AFG2A: variants seen among roughly 807,000 people sequenced by gnomAD.
The protein encoded by AFG2A is AAA ATPase AFG2A, also known as ATPase family gene 2 protein homolog A.
At chr4:123,125,690 T>C in the AFG2A span, among the ~76,000 whole-genome samples, 3 of 152,232 alleles carry the variant, frequency 2.0e-5, no homozygotes, top group East Asian at 3.8e-4. Flanking sequence ...TTTTCCCTTC[T>C]GCTGACTCTG....
the AFG2A span, among the ~76,000 whole-genome samples, chr4:122,956,664 T>C: frequency 7.2e-5 from 11 of 152,214 alleles, no homozygotes; most frequent in African/African-American, 2.7e-4. Context: ...GGAGTCTTGC[T>C]CTGTCGCCCA....
the AFG2A span, among the ~76,000 whole-genome samples, chr4:123,223,135 A>G: frequency 2.6e-5 from 4 of 152,282 alleles, no homozygotes; most frequent in East Asian, 7.7e-4. Context: ...TAGCAGGTGC[A>G]TCATTTTGCA....
the AFG2A span, among the ~76,000 whole-genome samples, chr4:122,988,168 G>T: frequency 5.3e-5 from 8 of 151,652 alleles, no homozygotes; most frequent in Non-Finnish European, 8.8e-5. Context: ...TCTGATGATG[G>T]TTTCCTTATT....
chr4:123,131,914 G>A, the AFG2A span, among the ~76,000 whole-genome samples: 2 of 51,924 alleles, frequency 3.9e-5, no homozygotes. Flanking sequence ...TTCCACAGCA[G>A]CTGCACCATT....
At chr4:123,310,353 TA>T in the AFG2A span, among the ~76,000 whole-genome samples, 2 of 152,172 alleles carry the variant, frequency 1.3e-5, no homozygotes, top group Admixed American at 6.5e-5. Context: ...ATTATTCTTT[TA>T]AAAAAATTTC....
chr4:123,094,770 A>G, the AFG2A span, among the ~76,000 whole-genome samples: 3 of 152,042 alleles, frequency 2.0e-5, no homozygotes, highest in Admixed American at 6.6e-5. Flanking sequence ...GCTGGCTCTA[A>G]CACCTAGACC....
chr4:122,927,609 A>G, the AFG2A span: 3 of 1,591,170 alleles, frequency 1.9e-6, no homozygotes, highest in Admixed American at 3.7e-5. Context: ...AAGTAGTACA[A>G]AAATAATTTT....
the AFG2A span, among the ~76,000 whole-genome samples, chr4:123,284,202 A>G: frequency 5.3e-5 from 8 of 152,024 alleles, no homozygotes; most frequent in Non-Finnish European, 1.2e-4. Context: ...ATCTTGGTAC[A>G]TTTTTTGACT....
At chr4:122,935,253 C>T in the AFG2A span, among the ~76,000 whole-genome samples, 1 of 152,038 alleles carries the variant, frequency 6.6e-6, no homozygotes, top group African/African-American at 2.4e-5. Flanking sequence ...TATATACATA[C>T]ATGTATGTAT....
At chr4:123,277,241 A>G in the AFG2A span, among the ~76,000 whole-genome samples, 1 of 152,132 alleles carries the variant, frequency 6.6e-6, no homozygotes, top group African/African-American at 2.4e-5. Context: ...TTTTGTGGCT[A>G]TTGTGAGTGG....
chr4:122,939,906 T>A, the AFG2A span, among the ~76,000 whole-genome samples: 2 of 152,174 alleles, frequency 1.3e-5, no homozygotes, highest in South Asian at 4.1e-4. Flanking sequence ...CTTGCGATAG[T>A]TTGCTGAGAA....
the AFG2A span, among the ~76,000 whole-genome samples, chr4:123,139,510 G>T: frequency 6.6e-6 from 1 of 151,958 alleles, no homozygotes; most frequent in Admixed American, 6.6e-5. Context: ...TTAGAATTTT[G>T]ATTTGGAAAA....
At chr4:123,103,132 G>T in the AFG2A span, among the ~76,000 whole-genome samples, 2 of 151,980 alleles carry the variant, frequency 1.3e-5, no homozygotes, top group Non-Finnish European at 2.9e-5. Context: ...TGCGTTTAGA[G>T]GCTCCCCCTT....
At chr4:122,966,498 T>C in the AFG2A span, among the ~76,000 whole-genome samples, 1 of 152,198 alleles carries the variant, frequency 6.6e-6, no homozygotes, top group Non-Finnish European at 1.5e-5. Context: ...TTCTTGTCTC[T>C]ATTTATATGC....
At chr4:122,985,395 C>A in the AFG2A span, among the ~76,000 whole-genome samples, 1 of 152,102 alleles carries the variant, frequency 6.6e-6, no homozygotes, top group African/African-American at 2.4e-5. Flanking sequence ...TCTGAATGTG[C>A]TGGGATTATA....
chr4:122,959,959 A>G, the AFG2A span, among the ~76,000 whole-genome samples: 2 of 152,170 alleles, frequency 1.3e-5, no homozygotes, highest in Non-Finnish European at 2.9e-5. Flanking sequence ...GCAGATAACA[A>G]CGTTTGGTGT....
chr4:123,167,283 T>C, the AFG2A span, among the ~76,000 whole-genome samples: 1 of 150,414 alleles, frequency 6.6e-6, no homozygotes, highest in Non-Finnish European at 1.5e-5. Context: ...TATAGCTTTT[T>C]GGGGGGTCCT....
chr4:123,015,532 A>G, the AFG2A span, among the ~76,000 whole-genome samples: 2 of 151,806 alleles, frequency 1.3e-5, no homozygotes, highest in Non-Finnish European at 2.9e-5. Flanking sequence ...ATCACAAGGC[A>G]GAAGAATTTT....
chr4:123,206,592 G>A, the AFG2A span, among the ~76,000 whole-genome samples: 1 of 152,084 alleles, frequency 6.6e-6, no homozygotes, highest in East Asian at 1.9e-4. Flanking sequence ...TAGCTGTCCA[G>A]GAACAGCTAT....
Sources: allele counts gnomAD v4.1 joint callset (sites outside exome capture counted in the v4.1 genomes callset), GRCh38; gene constraint gnomAD v4.1.1; transcripts MANE v1.5; gene names NCBI Gene and HGNC (gene_info 2026-07-23, HGNC 2026-07-21).